The following PON3 variants were observed in gnomAD, a reference collection of about 807,000 sequenced individuals.
PON3 encodes the protein paraoxonase 3.
A neutral mutation model predicts 36.3 loss-of-function variants in PON3; 37 were observed. The ratio of observed to expected loss-of-function variants is 1.02; its 90% CI spans 0.78 to 1.34. The LOEUF is 1.34. Among genes scored for constraint, PON3 ranks in the 40% most tolerant of loss-of-function variants. The pLI, the probability that PON3 is intolerant of heterozygous loss-of-function variation, is 0.00. For missense variants in PON3, 415 were observed against 426.5 expected, an observed-to-expected ratio of 0.97 and a Z score of 0.24; for synonymous variants, 155 against 154.8, an observed-to-expected ratio of 1.00 and a Z score of -0.01.
chr7:95,364,318 A>C (rs1288085342), intron 5 of PON3: 1 of 517,820 alleles, frequency 1.9e-6, no homozygotes, highest in Non-Finnish European at 3.5e-6. Context: ...TCACAAATAA[A>C]TCTCAAACCC....
intron 2 of PON3, among the ~76,000 whole-genome samples, chr7:95,392,945 C>A (rs1049359473): frequency 6.6e-6 from 1 of 152,180 alleles, no homozygotes; most frequent in African/African-American, 2.4e-5. Flanking sequence ...TCAAAGATAT[C>A]CACATATTCA....
Position 95,360,920 on chromosome 7 carries a change from A to G in PON3, c.907-789T>C, listed in dbSNP as rs906724266. 2.6e-5 allele frequency among the ~76,000 whole-genome samples: 4 copies of G among 152,144 alleles called. No individual in the cohort carries two copies. In the East Asian group the frequency reaches 7.7e-4, roughly 29 times the overall value. On this transcript the variant is annotated intron_variant, in intron 8 of 8. Coordinates refer to ENST00000265627, the MANE Select transcript of PON3 (RefSeq NM_000940.3). The stretch of plus-strand genomic sequence containing the variant: ...ACAAAAATACTTAAGCTTTGATTTC[A>G]TGTACAAAACATGAGATTCAACCAA...
chr7:95,372,240 T>C lies in PON3; in HGVS notation c.300A>G (p.Leu100=). 2 of 1,613,960 alleles carry C rather than the reference T, an allele frequency of 1.2e-6. No homozygotes were observed. Among genetic ancestry groups the C allele is most frequent in the South Asian group, 2.2e-5 (2 of 91,080 alleles). ...LNEQNPRAQA[L]EISGGFDKEL... ...CTTTGTCAAATCCACCACTGATTTC[T>C]AGCGCTTGTGCCCTTGGGTTTTGTT... Residue 100 remains leucine, a synonymous_variant, in exon 4 of 9, where the codon CTA becomes CTG. Transcript: ENST00000265627.
intron 2 of PON3, 65 bp downstream of exon 2, chr7:95,394,579 G>A: frequency 7.1e-7 from 1 of 1,408,210 alleles, no homozygotes. Flanking sequence ...AGCTGGTAGG[G>A]CTCAGTCAGG....
rs112324132 is a variant in PON3, at chr7:95,385,728, A to C, written c.201+4426T>G. On this transcript the variant is annotated intron_variant, in intron 3 of 8. Transcript: ENST00000265627. Reference sequence around the variant, plus strand: ...AATCACAAACTGTCTCTCAGACCACAGTGCAATCAAATTAGAACACCAGAT... The same window carrying C: ...AATCACAAACTGTCTCTCAGACCACCGTGCAATCAAATTAGAACACCAGAT... Among the ~76,000 whole-genome samples, 549 of 152,340 alleles carry C rather than the reference A, an allele frequency of 3.6e-3. 4 individuals are homozygous for C. The highest frequency in any genetic ancestry group is 0.014 in the Middle Eastern group (4 of 294).
Position 95,390,945 on chromosome 7 carries a change from C to T in PON3, c.146-736G>A, listed in dbSNP as rs554343212. On this transcript the variant is annotated intron_variant, in intron 2 of 8. Coordinates refer to ENST00000265627, the MANE Select transcript of PON3 (RefSeq NM_000940.3). ...GAGCAAAAGCCCCCAGGATACCTTCCTCTGAGACTTTCCCACACACTTATT... is the reference window on the plus strand; with the variant it reads ...GAGCAAAAGCCCCCAGGATACCTTCTTCTGAGACTTTCCCACACACTTATT... 4.6e-5 allele frequency among the ~76,000 whole-genome samples: 7 copies of T among 152,278 alleles called. No individual in the cohort carries two copies. In the East Asian group the frequency reaches 1.3e-3, roughly 29 times the overall value.
intron 8 of PON3, 45 bp downstream of exon 8, chr7:95,362,316 GT>G: frequency 6.2e-7 from 1 of 1,610,480 alleles, no homozygotes; most frequent in Non-Finnish European, 8.5e-7. Context: ...CAACAAATTT[GT>G]TCTTGCAGCT....
At chr7:95,383,857 A>T (rs1352071621) in intron 3 of PON3, among the ~76,000 whole-genome samples, 1 of 152,232 alleles carries the variant, frequency 6.6e-6, no homozygotes, top group African/African-American at 2.4e-5. Context: ...AAACTACTTT[A>T]AAGTTCATGT....
At chr7:95,367,789 C>G (rs935332895) in intron 4 of PON3, among the ~76,000 whole-genome samples, 2 of 152,214 alleles carry the variant, frequency 1.3e-5, no homozygotes, top group Non-Finnish European at 2.9e-5. Context: ...GCCTACAGAA[C>G]TATAATGATG....
At chr7:95,373,333 T>C (rs1482249632) in intron 3 of PON3, among the ~76,000 whole-genome samples, 1 of 152,140 alleles carries the variant, frequency 6.6e-6, no homozygotes, top group Non-Finnish European at 1.5e-5. Context: ...CCTCTTGAGG[T>C]AGTCAATCTT....
At chr7:95,371,850 T>A (rs1808814201) in intron 4 of PON3, among the ~76,000 whole-genome samples, 1 of 151,874 alleles carries the variant, frequency 6.6e-6, no homozygotes, top group Non-Finnish European at 1.5e-5. Flanking sequence ...GTCTCACAGT[T>A]GTCTTTAGTG....
rs1198365193 is a variant in PON3, at chr7:95,367,445, C to A, written c.411G>T (p.Lys137Asn). 3 of 1,611,848 alleles carry A rather than the reference C, an allele frequency of 1.9e-6. No homozygotes were observed. The highest frequency in any genetic ancestry group is 2.5e-6 in the Non-Finnish European group (3 of 1,178,264). Residue 137 changes from lysine to asparagine, a missense_variant, in exon 5 of 9, where the codon AAG becomes AAT. Transcript: ENST00000265627. ...CAAATTTAAATATCTCCACAGTGGA[C>A]TTCATGTGGGGATGATTCACAACAT... ...YLYVVNHPHMKSTVEIFKFEE... is the reference protein window; with the variant it reads ...YLYVVNHPHMNSTVEIFKFEE...
chr7:95,374,367 T>C (rs1808870961), intron 3 of PON3, among the ~76,000 whole-genome samples: 1 of 152,174 alleles, frequency 6.6e-6, no homozygotes, highest in Non-Finnish European at 1.5e-5. Context: ...TGTTCTTAGA[T>C]TAAATCCTTT....
intron 4 of PON3, 109 bp downstream of exon 4, chr7:95,372,064 T>G (rs922978556): frequency 7.7e-7 from 1 of 1,292,106 alleles, no homozygotes; most frequent in African/African-American, 1.5e-5. Context: ...CACATCTGTA[T>G]GGTAAAATAG....
chr7:95,381,620 T>C (rs1301538930), intron 3 of PON3, among the ~76,000 whole-genome samples: 1 of 152,102 alleles, frequency 6.6e-6, no homozygotes, highest in Non-Finnish European at 1.5e-5. Flanking sequence ...CATTAAACAA[T>C]GGTAGAGGGA....
intron 2 of PON3, among the ~76,000 whole-genome samples, chr7:95,391,826 T>C (rs1409082128): frequency 6.6e-6 from 1 of 152,232 alleles, no homozygotes; most frequent in Non-Finnish European, 1.5e-5. Flanking sequence ...TTTCAGCTGT[T>C]TGCATCTCAG....
At chr7:95,376,826 G>A (rs1033537324) in intron 3 of PON3, among the ~76,000 whole-genome samples, 7 of 152,198 alleles carry the variant, frequency 4.6e-5, no homozygotes, top group Non-Finnish European at 8.8e-5. Flanking sequence ...CTCCCAGTGA[G>A]ATCAACACAG....
intron 2 of PON3, among the ~76,000 whole-genome samples, chr7:95,393,540 G>A (rs952402257): frequency 6.6e-6 from 1 of 152,184 alleles, no homozygotes; most frequent in Non-Finnish European, 1.5e-5. Context: ...AAGAATTGGA[G>A]CTGTGGAGCC....
At chr7:95,380,033 T>C (rs186858793) in intron 3 of PON3, among the ~76,000 whole-genome samples, 67 of 152,268 alleles carry the variant, frequency 4.4e-4, no homozygotes, top group Admixed American at 4.4e-3. Context: ...AACAGTAACA[T>C]TTGCTGTTCA....
Sources: allele counts gnomAD v4.1 joint callset (sites outside exome capture counted in the v4.1 genomes callset), GRCh38; gene constraint gnomAD v4.1.1; transcripts MANE v1.5; gene names NCBI Gene and HGNC (gene_info 2026-07-23, HGNC 2026-07-21).